Variants in CNTLN observed in about 807,000 individuals in gnomAD.
CNTLN encodes the protein centlein, centrosomal protein.
A neutral mutation model predicts 180.0 loss-of-function variants in CNTLN; 212 were observed. The observed-to-expected ratio is 1.18, with a 90% CI of 1.05 to 1.32. The LOEUF (loss-of-function observed/expected upper bound fraction) is 1.32, where lower values mean the gene tolerates loss of function less well. CNTLN is among the 40% of genes most tolerant of loss of function. The probability of loss-of-function intolerance (pLI) is 0.00; values close to 1 mark genes in which losing one functional copy is unlikely to be tolerated. For missense variants in CNTLN, 2,095 were observed against 1,610.9 expected, an observed-to-expected ratio of 1.30 and a Z score of -5.14; for synonymous variants, 722 against 563.1, an observed-to-expected ratio of 1.28 and a Z score of -3.99.
chr9:17,221,278 TA>T (rs1824119073), intron 2 of CNTLN, among the ~76,000 whole-genome samples: 2 of 152,016 alleles, frequency 1.3e-5, no homozygotes, highest in Admixed American at 1.3e-4. Context: ...AATAGTTGTA[TA>T]AATCAATAAA....
At chr9:17,463,399 T>C (rs1044219739) in intron 20 of CNTLN, among the ~76,000 whole-genome samples, 1 of 151,590 alleles carries the variant, frequency 6.6e-6, no homozygotes, top group South Asian at 2.1e-4. Flanking sequence ...AAAGTTTTGT[T>C]TGTGTTTAAA....
At chr9:17,486,156 A>G (rs76429208) in intron 24 of CNTLN, among the ~76,000 whole-genome samples, 4,308 of 152,250 alleles carry the variant, frequency 0.028, 199 homozygotes, top group African/African-American at 0.098. Context: ...GTCATCTTCC[A>G]GAGGTCCAAG....
At chr9:17,478,196 A>G (rs1344754722) in intron 23 of CNTLN, among the ~76,000 whole-genome samples, 3 of 152,228 alleles carry the variant, frequency 2.0e-5, no homozygotes, top group Non-Finnish European at 4.4e-5. Context: ...TAACTTTTAC[A>G]TTCACTGGGA....
At chr9:17,291,072 A>T (rs1268068511) in intron 6 of CNTLN, among the ~76,000 whole-genome samples, 6 of 152,178 alleles carry the variant, frequency 3.9e-5, no homozygotes, top group Non-Finnish European at 8.8e-5. Flanking sequence ...CCCAGGAGTC[A>T]TTCAGGAGCA....
At chr9:17,306,642 C>T (rs368811490) in intron 7 of CNTLN, among the ~76,000 whole-genome samples, 1 of 152,176 alleles carries the variant, frequency 6.6e-6, no homozygotes. Context: ...CCTGACCATA[C>T]CCTAGCATCA....
chr9:17,442,887 T>C (rs1830189009), intron 18 of CNTLN, among the ~76,000 whole-genome samples: 1 of 152,162 alleles, frequency 6.6e-6, no homozygotes. Flanking sequence ...CTCATGTTTT[T>C]TTACCACAAT....
At chr9:17,442,419 G>A (rs1830163752) in intron 18 of CNTLN, among the ~76,000 whole-genome samples, 1 of 152,174 alleles carries the variant, frequency 6.6e-6, no homozygotes, top group Non-Finnish European at 1.5e-5. Flanking sequence ...CTGTTTTTGA[G>A]ATGGAGTCTC....
chr9:17,179,978 T>C (rs1324500561), intron 2 of CNTLN, among the ~76,000 whole-genome samples: 3 of 152,116 alleles, frequency 2.0e-5, no homozygotes, highest in South Asian at 2.1e-4. Context: ...TCAATGTTAA[T>C]ATAACCACTC....
At chr9:17,363,279 A>G (rs1455934718) in intron 12 of CNTLN, among the ~76,000 whole-genome samples, 1 of 152,244 alleles carries the variant, frequency 6.6e-6, no homozygotes, top group East Asian at 1.9e-4. Context: ...CTGGTTCTAG[A>G]TCCTTGAGAA....
intron 7 of CNTLN, among the ~76,000 whole-genome samples, chr9:17,307,768 C>G (rs1049866788): frequency 1.3e-5 from 2 of 151,772 alleles, no homozygotes; most frequent in Non-Finnish European, 2.9e-5. Flanking sequence ...GTACACAAAT[C>G]CTAGGTTTCT....
intron 2 of CNTLN, among the ~76,000 whole-genome samples, chr9:17,218,001 G>T (rs953476196): frequency 2.0e-5 from 3 of 151,992 alleles, no homozygotes; most frequent in Non-Finnish European, 4.4e-5. Context: ...TTGTTTAAAG[G>T]GTTCATCTGT....
chr9:17,524,721 CTT>C, the CNTLN span, among the ~76,000 whole-genome samples: 1 of 152,188 alleles, frequency 6.6e-6, no homozygotes, highest in Non-Finnish European at 1.5e-5. Context: ...AAATCCTTCT[CTT>C]TGTTAATTAT....
chr9:17,352,237 A>C (rs1461769628), intron 12 of CNTLN, among the ~76,000 whole-genome samples: 1 of 151,896 alleles, frequency 6.6e-6, no homozygotes, highest in African/African-American at 2.4e-5. Flanking sequence ...TTTGGGGTTA[A>C]ATATTAAATA....
At chr9:17,350,104 G>T (rs181566587) in intron 12 of CNTLN, among the ~76,000 whole-genome samples, 3 of 152,322 alleles carry the variant, frequency 2.0e-5, no homozygotes, top group Admixed American at 1.3e-4. Flanking sequence ...TCTTCCAAGT[G>T]AAAGTATTAG....
chr9:17,366,746 A>G (rs768356032), intron 13 of CNTLN, 29 bp downstream of exon 13: 1 of 1,165,326 alleles, frequency 8.6e-7, no homozygotes, highest in African/African-American at 1.6e-5. Context: ...AATACTTAAC[A>G]GAGGAATTTT....
At chr9:17,218,199 C>T (rs148435751) in intron 2 of CNTLN, among the ~76,000 whole-genome samples, 11 of 152,112 alleles carry the variant, frequency 7.2e-5, no homozygotes, top group African/African-American at 2.6e-4. Flanking sequence ...GTTCTAAATT[C>T]TGGATTATAC....
intron 1 of CNTLN, 78 bp from the exon 2 acceptor site, chr9:17,143,210 A>G: frequency 1.0e-6 from 1 of 1,003,820 alleles, no homozygotes; most frequent in Admixed American, 2.2e-5. Flanking sequence ...TTGTTTTTTC[A>G]TTTTAAAATT....
intron 12 of CNTLN, among the ~76,000 whole-genome samples, chr9:17,344,027 T>C (rs994804204): frequency 7.2e-5 from 11 of 152,208 alleles, no homozygotes. Context: ...TATCTGATGA[T>C]CTTTAATGAC....
intron 2 of CNTLN, among the ~76,000 whole-genome samples, chr9:17,192,941 C>G (rs1374909094): frequency 6.6e-6 from 1 of 151,906 alleles, no homozygotes; most frequent in Non-Finnish European, 1.5e-5. Flanking sequence ...CTGGGGAGGC[C>G]TCAGAATCAT....
Sources: allele counts gnomAD v4.1 joint callset (sites outside exome capture counted in the v4.1 genomes callset), GRCh38; gene constraint gnomAD v4.1.1; transcripts MANE v1.5; gene names NCBI Gene and HGNC (gene_info 2026-07-23, HGNC 2026-07-21).